ZNF506: variants seen among roughly 807,000 people sequenced by gnomAD.
ZNF506 encodes zinc finger protein 506.
A neutral mutation model predicts 11.6 loss-of-function variants in ZNF506; 10 were observed. That is an observed-to-expected ratio of 0.86 (90% CI 0.53 to 1.46). The LOEUF is 1.46. Among genes scored for constraint, ZNF506 ranks in the 40% most tolerant of loss-of-function variants. The pLI is 0.00. For missense variants in ZNF506, 425 were observed against 521.2 expected (o/e 0.82, Z 1.80); for synonymous variants, 156 against 173.3 (o/e 0.90, Z 0.78).
rs200899738 is a variant in ZNF506 at position 19,795,401 on chromosome 19, T to G, written c.486A>C (p.Lys162Asn). The G allele has an allele frequency of 6.9e-4, 1,099 of 1,593,988 alleles. 1 individual carries two copies. Among genetic ancestry groups the G allele is most frequent in the Non-Finnish European group, 8.8e-4 (1,038 of 1,173,490 alleles). ...KFLHKFSNSN[K>N]HKIRDTGKKS... is the part of the protein sequence containing the mutation. ...TTTTTCCAGTATCTCTTATCTTATG[T>G]TTGTTTGAATTTGAAAATTTATGCA... Residue 162 changes from lysine (K) to asparagine (N), a missense_variant, in exon 4 of 4, where the codon AAA becomes AAC. By Grantham distance (94) the Lys-to-Asn change is moderately conservative. Transcript: ENST00000540806.
At chr19:19,814,569 T>A (rs1432156440) in intron 1 of ZNF506, among the ~76,000 whole-genome samples, 2 of 151,642 alleles carry the variant, frequency 1.3e-5, no homozygotes, top group Non-Finnish European at 2.9e-5. Flanking sequence ...GACTAAGAGG[T>A]TCAGAAAACA....
At chr19:19,810,176 A>C (rs2062873232) in intron 1 of ZNF506, among the ~76,000 whole-genome samples, 1 of 152,170 alleles carries the variant, frequency 6.6e-6, no homozygotes, top group African/African-American at 2.4e-5. Context: ...GCTCCCCCTT[A>C]GCTCATTATT....
chr19:19,806,142 T>C lies in ZNF506; in HGVS notation c.131-16A>G, dbSNP rs1444555203. 6.4e-7 allele frequency: 1 copy of C among 1,566,164 alleles called. No individual in the cohort carries two copies. Among genetic ancestry groups the C allele is most frequent in the Non-Finnish European group, 8.7e-7 (1 of 1,148,046 alleles). On this transcript the variant is annotated splice_polypyrimidine_tract_variant and intron_variant, in intron 2 of 3. Coordinates refer to ENST00000540806, the MANE Select transcript of ZNF506 (RefSeq NM_001099269.3). ...ACAACAATACCTGTTTTATTAAGAA[T>C]AAATAATATGAATCTTGCTCATATT...
intron 3 of ZNF506, among the ~76,000 whole-genome samples, chr19:19,800,391 A>ATATATATTTATATAT (rs2062780109): frequency 8.6e-5 from 12 of 139,242 alleles, no homozygotes; most frequent in Non-Finnish European, 1.4e-4. Flanking sequence ...AACTAAACAG[A>ATATATATTTATATAT]ATATATATAT....
intron 1 of ZNF506, among the ~76,000 whole-genome samples, chr19:19,812,757 A>C (rs1343496990): frequency 3.3e-5 from 5 of 152,204 alleles, no homozygotes; most frequent in Non-Finnish European, 7.4e-5. Flanking sequence ...AGTACAATTA[A>C]AGGAGAAATC....
chr19:19,806,035 G>A lies in ZNF506; in HGVS notation c.222C>T (p.Pro74=). 2 of 1,605,512 alleles carry A rather than the reference G, an allele frequency of 1.2e-6. No homozygotes were observed. Among genetic ancestry groups the A allele is most frequent in the Non-Finnish European group, 1.7e-6 (2 of 1,177,210 alleles). The change falls in exon 3 of 4, where the codon CCC becomes CCT. Residue 74 remains proline, a synonymous_variant. Transcript: ENST00000540806. ...TMKRHEMIAK[P]PVMYSHFAQD... ...TTCATTTTCACTCGCACCTACCTGG[G>A]GGTTTGGCAATCATCTCATGCCTCT...
In ZNF506 at chr19:19,794,572, G is replaced by A. The variant is rs377359660; in HGVS notation, c.1315C>T (p.Pro439Ser). 4 of 1,598,594 alleles carry A rather than the reference G, an allele frequency of 2.5e-6. No individual in the cohort carries two copies. Among genetic ancestry groups the A allele is most frequent in the Non-Finnish European group, 2.6e-6 (3 of 1,173,720 alleles). Residue 439 changes from proline (P) to serine (S), a missense_variant, in exon 4 of 4, where the codon CCC becomes TCC. By Grantham distance (74) the Pro-to-Ser change is moderately conservative (BLOSUM62 -1). Coordinates refer to ENST00000540806, the MANE Select transcript of ZNF506 (RefSeq NM_001099269.3). ...NVENLLNVPQPLISIR is the reference protein window; with the variant it reads ...NVENLLNVPQSLISIR ...ATGAATTATCTTATGCTTATTAAGG[G>A]TTGAGGAACATTTAAAAGATTTTCC...
intron 3 of ZNF506, among the ~76,000 whole-genome samples, chr19:19,800,313 G>A (rs2062779109): frequency 6.6e-6 from 1 of 150,732 alleles, no homozygotes. Flanking sequence ...AATGTGTATT[G>A]AGATTTAGCT....
At chr19:19,809,463 A>AT (rs34167536) in intron 1 of ZNF506, among the ~76,000 whole-genome samples, 70,621 of 151,508 alleles carry the variant, frequency 0.47, 17,776 homozygotes, top group East Asian at 0.7. Context: ...AGGGGAAGTT[A>AT]TTTTTTTTCT....
chr19:19,794,607 A>G lies in ZNF506; in HGVS notation c.1280T>C (p.Val427Ala). The G allele has an allele frequency of 1.9e-6, 3 of 1,608,280 alleles. No homozygotes were observed. The highest frequency in any genetic ancestry group is 1.7e-6 in the Non-Finnish European group (2 of 1,178,246). Residue 427 changes from valine to alanine, a missense_variant, in exon 4 of 4, where the codon GTG (valine) becomes GCG (alanine). Physicochemically the swap from Val to Ala is moderately conservative, Grantham distance 64. Coordinates refer to ENST00000540806, the MANE Select transcript of ZNF506 (RefSeq NM_001099269.3). The part of the protein sequence containing the change: ...KIHIRQKPCI[V>A]KNVENLLNVP... ...ATTTAAAAGATTTTCCACATTCTTC[A>G]CTATGCAGGGTTTCTGTCTAATATG...
In ZNF506 at chr19:19,795,275, T is replaced by C; in HGVS notation, c.612A>G (p.Glu204=). The change falls in exon 4 of 4, where the codon GAA becomes GAG. Residue 204 remains glutamate, a synonymous_variant. Coordinates refer to ENST00000540806, the MANE Select transcript of ZNF506 (RefSeq NM_001099269.3). ...ACTGCTTATAGGCTTTACCACATTC[T>C]TCACATTTATAGCGTTTCTCTCCAG... ...IDAGEKRYKC[E]ECGKAYKQSS... is the part of the protein sequence containing the mutation. The C allele has an allele frequency of 6.2e-7, 1 of 1,614,048 alleles. No homozygotes were observed. Among genetic ancestry groups the C allele is most frequent in the Non-Finnish European group, 8.5e-7 (1 of 1,179,988 alleles).
In ZNF506 at chr19:19,821,600, C is replaced by T. The variant is rs2062967668; in HGVS notation, c.3+1G>A. On this transcript the variant is annotated splice_donor_variant, in intron 1 of 3. Coordinates refer to ENST00000540806, the MANE Select transcript of ZNF506 (RefSeq NM_001099269.3). LOFTEE classifies it high-confidence loss of function. ...TCGGGATGTCGAACTGGCACTCTCA[C>T]CATTTCTAGGCTTCCAGGGGGTCCC... 1.9e-6 allele frequency: 3 copies of T among 1,614,092 alleles called. No individual in the cohort carries two copies. The highest frequency in any genetic ancestry group is 2.5e-6 in the Non-Finnish European group (3 of 1,179,956).
Position 19,793,117 on chromosome 19 carries a change from C to A in ZNF506, c.*1435G>T, listed in dbSNP as rs901083119. On this transcript the variant is annotated 3_prime_UTR_variant, in exon 4 of 4. Transcript: ENST00000540806. ...TTGTATTACATCATTATTCACTGTT[C>A]AAAAATTTTTTTCAAGAAACAAGTA... is the stretch of plus-strand genomic sequence containing the variant. Among the ~76,000 whole-genome samples the A allele has an allele frequency of 6.6e-6, 1 of 151,602 alleles. No individual in the cohort carries two copies. Among genetic ancestry groups the A allele is most frequent in the African/African-American group, 2.4e-5 (1 of 41,058 alleles).
chr19:19,800,257 T>C (rs1568474181), intron 3 of ZNF506, among the ~76,000 whole-genome samples: 1 of 150,610 alleles, frequency 6.6e-6, no homozygotes, highest in Non-Finnish European at 1.5e-5. Context: ...AACCGAAGAG[T>C]GGTGTTTTAA....
At chr19:19,808,643 G>A (rs2062857601) in intron 1 of ZNF506, among the ~76,000 whole-genome samples, 1 of 150,996 alleles carries the variant, frequency 6.6e-6, no homozygotes, top group Non-Finnish European at 1.5e-5. Context: ...TCATGAGTTC[G>A]AGACCAGCCT....
intron 1 of ZNF506, among the ~76,000 whole-genome samples, chr19:19,817,827 G>T (rs1216860085): frequency 9.0e-5 from 13 of 144,618 alleles, no homozygotes; most frequent in Non-Finnish European, 1.6e-4. Context: ...GAAATTTTAA[G>T]GTGCTTTTTT....
Position 19,793,862 on chromosome 19 carries a change from C to T in ZNF506, c.*690G>A, listed in dbSNP as rs1189830880. 5.3e-5 allele frequency: 8 copies of T among 152,138 alleles called. No individual in the cohort carries two copies. Among genetic ancestry groups the T allele is most frequent in the Non-Finnish European group, 7.3e-5 (5 of 68,044 alleles). The allele number at this position is 152,138 out of a possible 1,614,324, so 9.4% of individuals were successfully genotyped here. A position where few individuals can be genotyped will look rare whatever the true frequency, so the allele number is the denominator to read the frequency against. On this transcript the variant is annotated 3_prime_UTR_variant, in exon 4 of 4. Coordinates refer to ENST00000540806, the MANE Select transcript of ZNF506 (RefSeq NM_001099269.3). ...CAATCAAGTGTGGCAACCATATAAA[C>T]GCTTTGTCTCATTTCATACATTTCC...
At chr19:19,803,876 T>C (rs1002446413) in intron 3 of ZNF506, among the ~76,000 whole-genome samples, 8 of 152,090 alleles carry the variant, frequency 5.3e-5, no homozygotes, top group African/African-American at 1.7e-4. Flanking sequence ...TATAAATCCA[T>C]TGAAATAGAA....
Position 19,804,467 on chromosome 19 carries a change from G to A in ZNF506, c.226+1564C>T, listed in dbSNP as rs1381087370. On this transcript the variant is annotated intron_variant, in intron 3 of 3. Coordinates refer to ENST00000540806, the MANE Select transcript of ZNF506 (RefSeq NM_001099269.3). ...AGAGAGGATGTGGAGAAACAGGAAC[G>A]CTTTTACACTGTTGGCGGGAGTGTA... 4.6e-5 allele frequency among the ~76,000 whole-genome samples: 7 copies of A among 152,334 alleles called. No homozygotes were observed. In the East Asian group the frequency reaches 1.2e-3, roughly 25 times the overall value.
Sources: allele counts gnomAD v4.1 joint callset (sites outside exome capture counted in the v4.1 genomes callset), GRCh38; gene constraint gnomAD v4.1.1; transcripts MANE v1.5; gene names NCBI Gene and HGNC (gene_info 2026-07-23, HGNC 2026-07-21).